The following CNTN6 variants were observed in gnomAD, a reference collection of about 807,000 sequenced individuals.
CNTN6 encodes the protein contactin-6.
CNTN6 carries 137 observed loss-of-function variants against 122.8 expected under a neutral mutation model. The ratio of observed to expected loss-of-function variants is 1.12; its 90% CI spans 0.97 to 1.29. The LOEUF is 1.29. Ranked by LOEUF, CNTN6 falls within the 50% of genes most tolerant of loss-of-function variation. CNTN6 has a pLI of 0.00. For missense variants in CNTN6, 1,634 were observed against 1,223.4 expected (o/e 1.34, Z -5.01); for synonymous variants, 570 against 426.0 (o/e 1.34, Z -4.16).
At chr3:1,167,238 C>G (rs1394306030) in intron 2 of CNTN6, among the ~76,000 whole-genome samples, 1 of 152,126 alleles carries the variant, frequency 6.6e-6, no homozygotes, top group Non-Finnish European at 1.5e-5. Flanking sequence ...GAACCCCTCT[C>G]TGTCTTACAT....
intron 2 of CNTN6, among the ~76,000 whole-genome samples, chr3:1,204,840 C>G (rs990394256): frequency 6.6e-6 from 1 of 152,052 alleles, no homozygotes; most frequent in Non-Finnish European, 1.5e-5. Context: ...GTTAAAAACT[C>G]TCCTGTTTTG....
chr3:1,247,313 C>A (rs2094596293), intron 4 of CNTN6, among the ~76,000 whole-genome samples: 2 of 152,102 alleles, frequency 1.3e-5, no homozygotes. Context: ...GGAATTAAAT[C>A]TGCATGCCTG....
At chr3:1,162,775 G>A (rs1224531914) in intron 2 of CNTN6, among the ~76,000 whole-genome samples, 4 of 152,190 alleles carry the variant, frequency 2.6e-5, no homozygotes. Flanking sequence ...GCACAGATGG[G>A]CTTGAAGAAC....
chr3:1,189,275 G>C (rs375408128), intron 2 of CNTN6, among the ~76,000 whole-genome samples: 21 of 152,216 alleles, frequency 1.4e-4, no homozygotes, highest in East Asian at 1.2e-3. Flanking sequence ...ATCTCCTTTT[G>C]GGGGAAAGGG....
chr3:1,380,397 C>A (rs1710487652), intron 17 of CNTN6, among the ~76,000 whole-genome samples: 1 of 152,108 alleles, frequency 6.6e-6, no homozygotes, highest in South Asian at 2.1e-4. Flanking sequence ...GACATAATAT[C>A]AAATTTTTAG....
intron 20 of CNTN6, among the ~76,000 whole-genome samples, chr3:1,397,431 TTGA>T (rs367847225): frequency 1.3e-5 from 2 of 152,082 alleles, no homozygotes; most frequent in Admixed American, 6.6e-5. Flanking sequence ...ATTGTTGCTG[TTGA>T]TGATGATGAT....
chr3:1,391,638 T>A (rs201725217), intron 20 of CNTN6, among the ~76,000 whole-genome samples: 2 of 145,812 alleles, frequency 1.4e-5, no homozygotes, highest in Middle Eastern at 3.4e-3. Context: ...GATGAGATGA[T>A]TGTATATCTA....
intron 19 of CNTN6, among the ~76,000 whole-genome samples, chr3:1,384,010 A>G (rs937047892): frequency 7.3e-5 from 11 of 151,124 alleles, no homozygotes; most frequent in Non-Finnish European, 1.5e-4. Flanking sequence ...TCCACAGTAA[A>G]GTCCTGCCTC....
chr3:1,237,878 A>G (rs2094440295), intron 4 of CNTN6, among the ~76,000 whole-genome samples: 1 of 152,304 alleles, frequency 6.6e-6, no homozygotes, highest in South Asian at 2.1e-4. Context: ...CCAAGCCAAC[A>G]CAAGAACAGC....
At chr3:1,323,241 T>C (rs965806489) in intron 8 of CNTN6, among the ~76,000 whole-genome samples, 1 of 151,774 alleles carries the variant, frequency 6.6e-6, no homozygotes, top group Non-Finnish European at 1.5e-5. Flanking sequence ...AGTGATACTA[T>C]AGGCAAAAAT....
chr3:1,207,311 C>A (rs927820234), intron 2 of CNTN6, among the ~76,000 whole-genome samples: 2 of 152,086 alleles, frequency 1.3e-5, no homozygotes, highest in Non-Finnish European at 2.9e-5. Context: ...TATTACAAAT[C>A]TCATTGCTTT....
intron 2 of CNTN6, among the ~76,000 whole-genome samples, chr3:1,155,892 A>T (rs1298312615): frequency 1.3e-5 from 2 of 152,214 alleles, no homozygotes; most frequent in African/African-American, 4.8e-5. Context: ...ACAGATGCCT[A>T]TGCAGAGAAA....
chr3:1,318,736 C>T (rs1318620546), intron 7 of CNTN6, among the ~76,000 whole-genome samples: 8 of 151,778 alleles, frequency 5.3e-5, no homozygotes, highest in Admixed American at 1.3e-4. Flanking sequence ...GAAGTTATAC[C>T]CTAGAAGCCA....
Position 1,170,976 on chromosome 3 carries a change from T to A in CNTN6, c.55+22913T>A, listed in dbSNP as rs970182385. Among the ~76,000 whole-genome samples, 5 of 152,292 alleles carry A rather than the reference T, an allele frequency of 3.3e-5. No homozygotes were observed. The East Asian group carries it at 9.7e-4, about 29-fold the overall frequency. On this transcript the variant is annotated intron_variant, in intron 2 of 22. Transcript: ENST00000446702. Reference sequence around the variant, plus strand: ...TGCAAAGTGCGTAGAAAGTGCTCGATAAACAGTAACTAGTGGTGACTGGGG... The same window carrying A: ...TGCAAAGTGCGTAGAAAGTGCTCGAAAAACAGTAACTAGTGGTGACTGGGG...
At chr3:1,304,013 C>T (rs901514947) in intron 7 of CNTN6, among the ~76,000 whole-genome samples, 6 of 152,162 alleles carry the variant, frequency 3.9e-5, no homozygotes, top group Non-Finnish European at 7.3e-5. Flanking sequence ...CACTCCTATG[C>T]AGATCTTCAG....
intron 10 of CNTN6, among the ~76,000 whole-genome samples, 168 bp downstream of exon 10, chr3:1,327,754 C>T (rs144774714): frequency 6.6e-6 from 1 of 151,878 alleles, no homozygotes; most frequent in Non-Finnish European, 1.5e-5. Context: ...AATTATTATT[C>T]TGCTTGGGCA....
chr3:1,152,579 C>T (rs923591212), intron 2 of CNTN6, among the ~76,000 whole-genome samples: 2 of 152,150 alleles, frequency 1.3e-5, no homozygotes, highest in Non-Finnish European at 2.9e-5. Context: ...GATTAACTGT[C>T]ACATTTTCCC....
chr3:1,268,835 G>C (rs1340509065), intron 4 of CNTN6, among the ~76,000 whole-genome samples: 2 of 151,910 alleles, frequency 1.3e-5, no homozygotes, highest in East Asian at 3.9e-4. Flanking sequence ...AAAAGTTCAA[G>C]CTGGGATTGG....
At chr3:1,229,670 T>A (rs976112398) in intron 4 of CNTN6, among the ~76,000 whole-genome samples, 2 of 152,200 alleles carry the variant, frequency 1.3e-5, no homozygotes, top group Non-Finnish European at 2.9e-5. Flanking sequence ...GTTTCTCTAG[T>A]TAAAACTTAT....
Sources: allele counts gnomAD v4.1 joint callset (sites outside exome capture counted in the v4.1 genomes callset), GRCh38; gene constraint gnomAD v4.1.1; transcripts MANE v1.5; gene names NCBI Gene and HGNC (gene_info 2026-07-23, HGNC 2026-07-21).